Variants in PTPRT observed in about 807,000 individuals in gnomAD.
PTPRT encodes receptor-type tyrosine-protein phosphatase T.
In PTPRT, 56 loss-of-function variants were observed where a neutral mutation model predicts 176.8. The ratio of observed to expected loss-of-function variants is 0.32; its 90% CI spans 0.26 to 0.40. PTPRT has a LOEUF of 0.40. Ranked by LOEUF, PTPRT falls within the 10% of genes least tolerant of loss-of-function variation. The pLI is 1.00. For missense variants in PTPRT, 1,540 were observed against 1,908.2 expected (o/e 0.81, Z 3.60); for synonymous variants, 783 against 739.0 (o/e 1.06, Z -0.96).
At chr20:43,021,221 C>G (rs1054674500) in intron 1 of PTPRT, among the ~76,000 whole-genome samples, 9 of 152,148 alleles carry the variant, frequency 5.9e-5, no homozygotes, top group Non-Finnish European at 1.3e-4. Flanking sequence ...AAATGCTCCT[C>G]TCATACAAAC....
intron 1 of PTPRT, among the ~76,000 whole-genome samples, chr20:42,889,407 A>G (rs904230541): frequency 6.6e-6 from 1 of 152,238 alleles, no homozygotes; most frequent in Admixed American, 6.5e-5. Flanking sequence ...TGAATTTAAA[A>G]GCAGCTTTCC....
intron 16 of PTPRT, among the ~76,000 whole-genome samples, chr20:42,187,617 A>T (rs1405418876): frequency 6.6e-6 from 1 of 152,206 alleles, no homozygotes; most frequent in Admixed American, 6.5e-5. Flanking sequence ...ATTAATACAT[A>T]AACCAGACCT....
At chr20:42,316,076 A>G (rs1568767889) in intron 11 of PTPRT, 80 bp from the exon 12 acceptor site, 1 of 1,476,490 alleles carries the variant, frequency 6.8e-7, no homozygotes, top group East Asian at 2.3e-5. Context: ...GTGTCAACCC[A>G]ACTTCTCCTA....
chr20:42,126,769 G>A lies in PTPRT; in HGVS notation c.2847+1985C>T, dbSNP rs537902747. The stretch of plus-strand genomic sequence containing the variant: ...TCAGTATTTCCCATACACAGTGGAG[G>A]GTCTGCTCTGTGTTTGTGAACTGAA... On this transcript the variant is annotated intron_variant, in intron 19 of 30. Transcript: ENST00000373187. 4.6e-5 allele frequency among the ~76,000 whole-genome samples: 7 copies of A among 152,318 alleles called. No individual in the cohort carries two copies. In the East Asian group the frequency reaches 1.4e-3, roughly 29 times the overall value.
At chr20:42,119,797 C>T (rs1600546959) in intron 20 of PTPRT, 138 bp downstream of exon 20, 1 of 731,842 alleles carries the variant, frequency 1.4e-6, no homozygotes. Flanking sequence ...CATTCCTCTC[C>T]TCCAGGGCTG....
At chr20:43,010,357 TTCCTCACACTCACCTTGCTGA>T (rs1401346752) in intron 1 of PTPRT, among the ~76,000 whole-genome samples, 1 of 152,242 alleles carries the variant, frequency 6.6e-6, no homozygotes, top group East Asian at 1.9e-4. Flanking sequence ...CAGTATCTCC[TTCCTCACACTCACCTTGCTGA>T]TCCTCACACT....
intron 1 of PTPRT, among the ~76,000 whole-genome samples, chr20:43,016,134 T>A (rs1985357621): frequency 6.6e-6 from 1 of 152,010 alleles, no homozygotes; most frequent in Admixed American, 6.5e-5. Context: ...GGTCTACAGA[T>A]CACACAAGAG....
intron 1 of PTPRT, among the ~76,000 whole-genome samples, chr20:42,920,628 G>A (rs1353368243): frequency 6.6e-6 from 1 of 151,954 alleles, no homozygotes; most frequent in East Asian, 1.9e-4. Context: ...AAAAAGATTA[G>A]AACACTTTAT....
intron 2 of PTPRT, among the ~76,000 whole-genome samples, chr20:42,801,767 G>A (rs1393464063): frequency 6.6e-6 from 1 of 152,136 alleles, no homozygotes; most frequent in Non-Finnish European, 1.5e-5. Context: ...GTGTCAGACA[G>A]GGGAAAAGGG....
At chr20:42,600,805 A>T (rs2073766739) in intron 7 of PTPRT, among the ~76,000 whole-genome samples, 1 of 152,208 alleles carries the variant, frequency 6.6e-6, no homozygotes, top group Non-Finnish European at 1.5e-5. Context: ...TTTATGGCCG[A>T]ATAGAGTTCC....
At chr20:42,339,943 T>C (rs1317257674) in intron 11 of PTPRT, among the ~76,000 whole-genome samples, 2 of 152,162 alleles carry the variant, frequency 1.3e-5, no homozygotes, top group Admixed American at 6.5e-5. Context: ...TCTCTTATGA[T>C]AGGATCCCTG....
intron 1 of PTPRT, among the ~76,000 whole-genome samples, chr20:43,103,775 T>TAATAAC (rs1410220641): frequency 3.3e-5 from 5 of 150,446 alleles, no homozygotes; most frequent in Non-Finnish European, 7.4e-5. Context: ...ATAATAATAA[T>TAATAAC]AACTAAAAAG....
At position 42,641,915 on chromosome 20, in the gene PTPRT, G is replaced by A. The variant is rs6016857; in HGVS notation, c.1153+35951C>T. Among the ~76,000 whole-genome samples the A allele has an allele frequency of 9.4e-4, 143 of 152,260 alleles. 1 individual carries two copies. Among genetic ancestry groups the A allele is most frequent in the African/African-American group, 3.2e-3 (133 of 41,540 alleles). ...TGCAGCCTCATACTGACTTCTAAGC[G>A]TCTTAGAGTGCCCTCTTCCAAGAGG... On this transcript the variant is annotated intron_variant, in intron 7 of 30. Transcript: ENST00000373187.
At chr20:42,241,001 A>T (rs563853129) in intron 14 of PTPRT, among the ~76,000 whole-genome samples, 4 of 152,342 alleles carry the variant, frequency 2.6e-5, no homozygotes, top group African/African-American at 7.2e-5. Context: ...CAATAACCTT[A>T]TGAGGCATTA....
At chr20:42,772,810 T>A (rs2077082241) in intron 4 of PTPRT, among the ~76,000 whole-genome samples, 1 of 152,182 alleles carries the variant, frequency 6.6e-6, no homozygotes, top group Non-Finnish European at 1.5e-5. Flanking sequence ...ATAATGTCAT[T>A]TACTGAGAGC....
downstream of PTPRT, among the ~76,000 whole-genome samples, chr20:42,068,510 A>G (rs1220669044): frequency 1.3e-5 from 2 of 152,176 alleles, no homozygotes; most frequent in Admixed American, 6.5e-5. Context: ...TTTCCTGCCC[A>G]TACAAGTTTT....
intron 1 of PTPRT, among the ~76,000 whole-genome samples, chr20:42,890,873 T>C (rs1189063669): frequency 6.6e-6 from 1 of 152,176 alleles, no homozygotes; most frequent in Non-Finnish European, 1.5e-5. Flanking sequence ...TGGGAGATAA[T>C]TGAATCATAG....
chr20:42,536,346 A>C (rs958635982), intron 7 of PTPRT, among the ~76,000 whole-genome samples: 1 of 152,202 alleles, frequency 6.6e-6, no homozygotes, highest in South Asian at 2.1e-4. Context: ...GATATTCCCA[A>C]GAAATTAAAT....
chr20:42,664,852 C>T (rs573595482), intron 7 of PTPRT, among the ~76,000 whole-genome samples: 64 of 152,262 alleles, frequency 4.2e-4, no homozygotes, highest in Non-Finnish European at 8.5e-4. Flanking sequence ...GGGGAAATGA[C>T]TCCCTATTTA....
Sources: allele counts gnomAD v4.1 joint callset (sites outside exome capture counted in the v4.1 genomes callset), GRCh38; gene constraint gnomAD v4.1.1; transcripts MANE v1.5; gene names NCBI Gene and HGNC (gene_info 2026-07-23, HGNC 2026-07-21).